Variants in ARHGEF4 observed in about 807,000 individuals in gnomAD.
ARHGEF4 encodes APC-stimulated guanine nucleotide exchange factor 1.
A neutral mutation model predicts 162.0 loss-of-function variants in ARHGEF4; 119 were observed. That is an observed-to-expected ratio of 0.73 (90% CI 0.63 to 0.86). ARHGEF4 has a LOEUF of 0.86. ARHGEF4 is among the 40% of genes least tolerant of loss of function. The pLI, the probability that ARHGEF4 is intolerant of heterozygous loss-of-function variation, is 0.00. For missense variants in ARHGEF4, 2,488 were observed against 2,456.0 expected, an observed-to-expected ratio of 1.01 and a Z score of -0.28; for synonymous variants, 1,014 against 979.9, an observed-to-expected ratio of 1.03 and a Z score of -0.65.
intron 1 of ARHGEF4, among the ~76,000 whole-genome samples, chr2:130,892,268 G>A (rs114530911): frequency 0.014 from 2,129 of 152,236 alleles, 51 homozygotes; most frequent in African/African-American, 0.048. Flanking sequence ...GCACTTCTGC[G>A]ACCAGATGTG....
chr2:130,989,950 C>T lies in ARHGEF4; in HGVS notation c.3986-37995C>T, dbSNP rs1017270716. Among the ~76,000 whole-genome samples, 4 of 152,168 alleles carry T rather than the reference C, an allele frequency of 2.6e-5. 1 individual carries two copies. The highest frequency in any genetic ancestry group is 9.7e-5 in the African/African-American group (4 of 41,430). ...ATTTGGCACATAGTGAATACTTAAT[C>T]CATGTTTAATCTTTCTCCAGCTTCC... On this transcript the variant is annotated intron_variant, in intron 4 of 13. Coordinates refer to ENST00000409359, the MANE Select transcript of ARHGEF4 (RefSeq NM_001367493.1).
intron 4 of ARHGEF4, among the ~76,000 whole-genome samples, chr2:131,015,270 G>A (rs1005105174): frequency 6.6e-6 from 1 of 152,166 alleles, no homozygotes; most frequent in Admixed American, 6.5e-5. Flanking sequence ...AAGGAACAAA[G>A]CTCTCCAAAT....
chr2:130,996,309 C>T (rs1335691096), intron 4 of ARHGEF4, among the ~76,000 whole-genome samples: 1 of 152,226 alleles, frequency 6.6e-6, no homozygotes, highest in Non-Finnish European at 1.5e-5. Flanking sequence ...CCTAACCTGG[C>T]TGTTCTTCGC....
intron 1 of ARHGEF4, among the ~76,000 whole-genome samples, chr2:130,901,523 C>CT (rs113416794): frequency 3.5e-3 from 508 of 144,442 alleles, no homozygotes; most frequent in East Asian, 5.9e-3. Context: ...AGCCCATATT[C>CT]TTTTTTTTTT....
chr2:131,009,006 C>T (rs1319416704), intron 4 of ARHGEF4, among the ~76,000 whole-genome samples: 1 of 152,192 alleles, frequency 6.6e-6, no homozygotes, highest in African/African-American at 2.4e-5. Context: ...ATCATTTTAT[C>T]TTGAAGATCA....
rs1327301034 is a variant in ARHGEF4 at position 131,041,256 on chromosome 2, G to A, written c.4689G>A (p.Glu1563=). Residue 1563 remains glutamate, a synonymous_variant, in exon 9 of 14, where the codon GAG becomes GAA. Coordinates refer to ENST00000409359, the MANE Select transcript of ARHGEF4 (RefSeq NM_001367493.1). ...EHQADFQIYS[E]YCNNHPNACV... is the part of the protein sequence containing the mutation. The stretch of plus-strand genomic sequence containing the variant: ...AAGCCGACTTCCAGATCTACTCGGA[G>A]TACTGCAATAACCACCCCAACGCCT... 4 of 1,613,768 alleles carry A rather than the reference G, an allele frequency of 2.5e-6. No individual in the cohort carries two copies. Among genetic ancestry groups the A allele is most frequent in the Admixed American group, 3.3e-5 (2 of 59,996 alleles).
At chr2:130,987,146 G>A (rs1686567290) in intron 4 of ARHGEF4, among the ~76,000 whole-genome samples, 2 of 152,222 alleles carry the variant, frequency 1.3e-5, no homozygotes, top group Admixed American at 6.5e-5. Flanking sequence ...GCTGTGGGCA[G>A]CACTGCACTG....
intron 4 of ARHGEF4, among the ~76,000 whole-genome samples, chr2:131,013,874 T>C (rs1193576787): frequency 2.0e-5 from 3 of 152,256 alleles, no homozygotes; most frequent in African/African-American, 7.2e-5. Context: ...GTGCTGAGAT[T>C]ACAGGCGTGA....
chr2:131,020,936 C>T (rs1251079330), intron 4 of ARHGEF4, among the ~76,000 whole-genome samples: 1 of 152,110 alleles, frequency 6.6e-6, no homozygotes, highest in African/African-American at 2.4e-5. Flanking sequence ...TCTCTGATGG[C>T]CAGTGATGAT....
chr2:130,933,583 G>A (rs1389222471), intron 3 of ARHGEF4, among the ~76,000 whole-genome samples: 1 of 152,128 alleles, frequency 6.6e-6, no homozygotes, highest in African/African-American at 2.4e-5. Flanking sequence ...GTTTTTGGGA[G>A]GTGTTCTTGA....
At chr2:131,030,847 C>T (rs115414013) in intron 5 of ARHGEF4, among the ~76,000 whole-genome samples, 2,008 of 152,210 alleles carry the variant, frequency 0.013, 40 homozygotes, top group African/African-American at 0.045. Context: ...TGTTAGGAGC[C>T]GCCAGAAGCA....
At chr2:130,883,510 C>T (rs946748176) in intron 1 of ARHGEF4, among the ~76,000 whole-genome samples, 3 of 152,144 alleles carry the variant, frequency 2.0e-5, no homozygotes, top group African/African-American at 7.3e-5. Context: ...TTTTCCTTCC[C>T]TTCCCCACTA....
chr2:130,925,035 AGTGTGTGTGTGTGTGTGTGT>A (rs55986926), intron 2 of ARHGEF4, among the ~76,000 whole-genome samples: 9 of 137,970 alleles, frequency 6.5e-5, no homozygotes, highest in South Asian at 5.0e-4. Flanking sequence ...AGGAGTTCTA[AGTGTGTGTGTGTGTGTGTGT>A]GTGTGTGTGT....
intron 1 of ARHGEF4, among the ~76,000 whole-genome samples, chr2:130,875,263 T>C (rs1678753563): frequency 6.6e-6 from 1 of 152,170 alleles, no homozygotes; most frequent in Admixed American, 6.5e-5. Context: ...TATCTACAGA[T>C]CGATGGCCCC....
At position 131,039,013 on chromosome 2, in the gene ARHGEF4, T is replaced by G; in HGVS notation, c.4286T>G (p.Phe1429Cys). 6.2e-7 allele frequency: 1 copy of G among 1,612,944 alleles called. No individual in the cohort carries two copies. The highest frequency in any genetic ancestry group is 8.5e-7 in the Non-Finnish European group (1 of 1,179,676). ...WGRVADGEGWFPASFVRLRVN... is the reference protein window; with the variant it reads ...WGRVADGEGWCPASFVRLRVN... ...CGGGTCGCCGATGGCGAGGGCTGGT[T>G]TCCAGCCAGCTTCGTTCGGGTATGG... The change falls in exon 6 of 14, where the codon TTT becomes TGT. Residue 1429 changes from phenylalanine to cysteine, a missense_variant. This residue lies in a region of ARHGEF4 where 174 missense variants were observed against 148.3 expected (regional missense o/e 1.17). Coordinates refer to ENST00000409359, the MANE Select transcript of ARHGEF4 (RefSeq NM_001367493.1).
At chr2:130,873,897 C>T (rs1160451640) in intron 1 of ARHGEF4, among the ~76,000 whole-genome samples, 1 of 152,118 alleles carries the variant, frequency 6.6e-6, no homozygotes, top group Non-Finnish European at 1.5e-5. Context: ...TTGGTGCCCC[C>T]TGCCGGATAG....
intron 4 of ARHGEF4, among the ~76,000 whole-genome samples, chr2:130,997,726 G>A (rs760645441): frequency 2.0e-5 from 3 of 152,176 alleles, no homozygotes; most frequent in Non-Finnish European, 2.9e-5. Context: ...CTGCTTTAAT[G>A]CTTGTTTTGA....
intron 4 of ARHGEF4, among the ~76,000 whole-genome samples, chr2:130,996,621 C>T (rs1687410391): frequency 6.6e-6 from 1 of 152,156 alleles, no homozygotes; most frequent in African/African-American, 2.4e-5. Context: ...TTGTAAATGT[C>T]CCATTGTAAA....
intron 1 of ARHGEF4, among the ~76,000 whole-genome samples, chr2:130,913,523 G>A (rs1305829485): frequency 6.6e-6 from 1 of 151,734 alleles, no homozygotes; most frequent in Non-Finnish European, 1.5e-5. Context: ...TTTTGTTGTT[G>A]TTGTTGTTGT....
Sources: gnomAD v4.1 joint callset for allele counts (sites outside exome capture counted in the v4.1 genomes callset) on GRCh38, gnomAD v4.1.1 for gene constraint, gnomAD v4.1.1 regional missense constraint, MANE v1.5 for transcripts, NCBI Gene and HGNC (gene_info 2026-07-23, HGNC 2026-07-21) for gene names.